Variants in MAML2 observed in about 807,000 individuals in gnomAD.
MAML2 encodes the protein mastermind-like protein 2.
A neutral mutation model predicts 96.1 loss-of-function variants in MAML2; 22 were observed. The ratio of observed to expected loss-of-function variants is 0.23; its 90% confidence interval spans 0.16 to 0.33. The LOEUF (loss-of-function observed/expected upper bound fraction) is 0.33. Among genes scored for constraint, MAML2 ranks in the 10% least tolerant of loss-of-function variants. The probability of loss-of-function intolerance (pLI) is 1.00; values close to 1 mark genes in which losing one functional copy is unlikely to be tolerated. For synonymous variants in MAML2, 561 were observed against 521.3 expected (o/e 1.08, Z -1.04); for missense variants, 1,367 against 1,392.4 (o/e 0.98, Z 0.29).
At chr11:96,083,152 C>T (rs1859554228) in intron 2 of MAML2, among the ~76,000 whole-genome samples, 1 of 152,240 alleles carries the variant, frequency 6.6e-6, no homozygotes, top group South Asian at 2.1e-4. Flanking sequence ...TCGGTAGGAG[C>T]TGCCCCCCTC....
chr11:96,133,732 G>T (rs887777044), intron 1 of MAML2, among the ~76,000 whole-genome samples: 1 of 152,190 alleles, frequency 6.6e-6, no homozygotes, highest in Non-Finnish European at 1.5e-5. Flanking sequence ...GGGGGCTCAT[G>T]CCTATAATCC....
At position 96,179,370 on chromosome 11, in the gene MAML2, A is replaced by G. The variant is rs557749659; in HGVS notation, c.514-85853T>C. On this transcript the variant is annotated intron_variant, in intron 1 of 4. Transcript: ENST00000524717. ...AGAGAAAAATATGACTTCGAGGTCC[A>G]CAGCCTTCTCTTTTTTGTTCTTTAC... 1.9e-4 allele frequency among the ~76,000 whole-genome samples: 29 copies of G among 152,342 alleles called. No individual in the cohort carries two copies. In the South Asian group the frequency reaches 6.0e-3, roughly 32 times the overall value.
At chr11:96,093,866 G>A (rs1859782022) in intron 1 of MAML2, among the ~76,000 whole-genome samples, 1 of 152,174 alleles carries the variant, frequency 6.6e-6, no homozygotes, top group African/African-American at 2.4e-5. Flanking sequence ...TCTGGAGCAA[G>A]CCAAAATATT....
intron 2 of MAML2, among the ~76,000 whole-genome samples, chr11:95,998,129 TGTCTGTCTGTCA>T (rs1313171812): frequency 3.2e-4 from 44 of 139,416 alleles, no homozygotes; most frequent in African/African-American, 1.1e-3. Context: ...TCTATCTGTC[TGTCTGTCTGTCA>T]GTCTGTCTGT....
intron 2 of MAML2, among the ~76,000 whole-genome samples, chr11:96,076,182 A>G (rs946556917): frequency 6.6e-6 from 1 of 152,206 alleles, no homozygotes; most frequent in African/African-American, 2.4e-5. Flanking sequence ...ACAGATGCTC[A>G]GGGGTGAAAG....
At chr11:96,277,314 C>A (rs1264336943) in intron 1 of MAML2, among the ~76,000 whole-genome samples, 1 of 151,814 alleles carries the variant, frequency 6.6e-6, no homozygotes, top group Non-Finnish European at 1.5e-5. Context: ...GAGAGATGAT[C>A]AAGTCAGGGT....
chr11:96,172,559 T>G (rs1028720144), intron 1 of MAML2, among the ~76,000 whole-genome samples: 1 of 152,184 alleles, frequency 6.6e-6, no homozygotes, highest in Non-Finnish European at 1.5e-5. Context: ...GAATTTAGAG[T>G]AAGATTCAGT....
chr11:96,282,523 T>C (rs1863086698), intron 1 of MAML2, among the ~76,000 whole-genome samples: 1 of 152,204 alleles, frequency 6.6e-6, no homozygotes, highest in Admixed American at 6.5e-5. Flanking sequence ...ATTTTTCTAA[T>C]TTTTTAGTTT....
At chr11:96,097,570 G>A (rs1474237897) in intron 1 of MAML2, among the ~76,000 whole-genome samples, 2 of 152,152 alleles carry the variant, frequency 1.3e-5, no homozygotes, top group African/African-American at 4.8e-5. Flanking sequence ...TACCAATTAG[G>A]CATGGGACAC....
intron 1 of MAML2, among the ~76,000 whole-genome samples, chr11:96,227,018 T>C (rs1862222217): frequency 6.6e-6 from 1 of 152,204 alleles, no homozygotes; most frequent in Admixed American, 6.5e-5. Context: ...AACCAGTAGC[T>C]ACACTATGCC....
intron 1 of MAML2, among the ~76,000 whole-genome samples, chr11:96,315,731 G>A (rs1307774965): frequency 6.6e-6 from 1 of 152,154 alleles, no homozygotes; most frequent in Non-Finnish European, 1.5e-5. Flanking sequence ...TTGTCCCTGA[G>A]GATACTTGGC....
At chr11:96,003,096 TGAG>T (rs1437750139) in intron 2 of MAML2, among the ~76,000 whole-genome samples, 1 of 122,024 alleles carries the variant, frequency 8.2e-6, no homozygotes, top group Admixed American at 8.4e-5. Context: ...ATGGGGATGA[TGAG>T]GATGATGGGG....
chr11:96,129,835 C>A (rs1004905541), intron 1 of MAML2, among the ~76,000 whole-genome samples: 3 of 152,238 alleles, frequency 2.0e-5, no homozygotes, highest in Non-Finnish European at 2.9e-5. Context: ...CATGTGTACC[C>A]ATGGTTAGCT....
At chr11:96,284,366 C>T (rs1206734501) in intron 1 of MAML2, among the ~76,000 whole-genome samples, 1 of 152,210 alleles carries the variant, frequency 6.6e-6, no homozygotes, top group Non-Finnish European at 1.5e-5. Flanking sequence ...TCTCTAACAA[C>T]ATAGTCCGTA....
At chr11:96,190,127 T>C (rs1324263776) in intron 1 of MAML2, among the ~76,000 whole-genome samples, 5 of 152,240 alleles carry the variant, frequency 3.3e-5, no homozygotes, top group African/African-American at 1.2e-4. Flanking sequence ...GTGATGAACA[T>C]GGAGTCTGCA....
intron 1 of MAML2, among the ~76,000 whole-genome samples, chr11:96,144,664 A>G (rs1860788568): frequency 6.6e-6 from 1 of 152,214 alleles, no homozygotes; most frequent in Non-Finnish European, 1.5e-5. Context: ...GTTTAAATTG[A>G]GAATAATAGA....
At chr11:96,189,206 A>G (rs948931373) in intron 1 of MAML2, among the ~76,000 whole-genome samples, 1 of 152,140 alleles carries the variant, frequency 6.6e-6, no homozygotes, top group Non-Finnish European at 1.5e-5. Context: ...AGAGTTTGGT[A>G]ATGCATATAA....
At chr11:96,238,231 A>C (rs930976154) in intron 1 of MAML2, among the ~76,000 whole-genome samples, 2 of 152,222 alleles carry the variant, frequency 1.3e-5, no homozygotes, top group Non-Finnish European at 2.9e-5. Flanking sequence ...TAAGCATTTC[A>C]TGCTAGGACA....
At chr11:96,123,381 G>C (rs1453796361) in intron 1 of MAML2, among the ~76,000 whole-genome samples, 1 of 151,862 alleles carries the variant, frequency 6.6e-6, no homozygotes, top group African/African-American at 2.4e-5. Context: ...GGGTGTTCAT[G>C]GAGTCCTCCG....
Sources: allele counts gnomAD v4.1 joint callset (sites outside exome capture counted in the v4.1 genomes callset), GRCh38; gene constraint gnomAD v4.1.1; transcripts MANE v1.5; gene names NCBI Gene and HGNC (gene_info 2026-07-23, HGNC 2026-07-21).